Variants in CUL4A observed in about 807,000 individuals in gnomAD.
CUL4A encodes cullin 4A.
Under a neutral mutation model 95.5 loss-of-function variants are expected in CUL4A, and 16 were observed. The observed-to-expected ratio is 0.17, with a 90% CI of 0.11 to 0.25. The LOEUF is 0.25. CUL4A is among the 10% of genes least tolerant of loss of function. CUL4A has a pLI of 1.00. For missense variants in CUL4A, 610 were observed against 937.0 expected (o/e 0.65, Z 4.56); for synonymous variants, 380 against 353.1 (o/e 1.08, Z -0.85).
At chr13:113,226,593 A>G (rs997665770) in intron 3 of CUL4A, among the ~76,000 whole-genome samples, 4 of 152,218 alleles carry the variant, frequency 2.6e-5, no homozygotes, top group Non-Finnish European at 5.9e-5. Context: ...GTCCTAAACT[A>G]CTTTTTGGGC....
rs1401161712 is a variant in CUL4A at position 113,232,230 on chromosome 13, ACCCG to A, written c.513-943_513-940del. On this transcript the variant is annotated intron_variant, in intron 5 of 19. Transcript: ENST00000375440. ...CACCACCATTACTGCTGCCACCACTACCCGCCCACCACCATTACTGCTGCCACCA... is the reference window on the plus strand; with the variant it reads ...CACCACCATTACTGCTGCCACCACTACCCACCACCATTACTGCTGCCACCA... Among the ~76,000 whole-genome samples the A allele has an allele frequency of 3.3e-3, 32 of 9,568 alleles. 9 individuals carry two copies. The highest frequency in any genetic ancestry group is 6.8e-3 in the African/African-American group (30 of 4,440). The allele number at this position is 9,568 out of a possible 152,430, so 6.3% of individuals were successfully genotyped here. A position where few individuals can be genotyped will look rare whatever the true frequency, so the allele number is the denominator to read the frequency against.
chr13:113,225,646 C>T (rs1040083983), intron 3 of CUL4A, among the ~76,000 whole-genome samples: 2 of 152,208 alleles, frequency 1.3e-5, no homozygotes, highest in Non-Finnish European at 1.5e-5. Context: ...AGCAAAGCTC[C>T]GCCTTCGGCT....
At position 113,244,833 on chromosome 13, in the gene CUL4A, CTG is replaced by C. The variant is rs1383406288; in HGVS notation, c.1334-114_1334-113del. On this transcript the variant is annotated intron_variant, in intron 12 of 19. Transcript: ENST00000375440. The stretch of plus-strand genomic sequence containing the variant: ...CCAGCCTGGGCAACAGAGCAAGACT[CTG>C]TCTCAAAAAAAAAAAAAAACACTTT... 4 of 687,312 alleles carry C rather than the reference CTG, an allele frequency of 5.8e-6. No individual in the cohort carries two copies. The African/African-American group carries it at 7.5e-5, about 13-fold the overall frequency. 42.6% of individuals were successfully genotyped at this position (687,312 alleles called of 1,614,324 possible).
In CUL4A at chr13:113,261,849, C is replaced by T. The variant is rs574737735; in HGVS notation, c.2184+1090C>T. On this transcript the variant is annotated intron_variant, in intron 19 of 19. Coordinates refer to ENST00000375440, the MANE Select transcript of CUL4A (RefSeq NM_001008895.4). ...AGGATGGAGTGCAGTGGCACGATCTCGGCTCACTGTAACCTCTGCCTCTCG... is the reference window on the plus strand; with the variant it reads ...AGGATGGAGTGCAGTGGCACGATCTTGGCTCACTGTAACCTCTGCCTCTCG... Among the ~76,000 whole-genome samples, 179 of 152,206 alleles carry T rather than the reference C, an allele frequency of 1.2e-3. 1 individual carries two copies. The highest frequency in any genetic ancestry group is 3.4e-3 in the Middle Eastern group (1 of 294).
Position 113,264,490 on chromosome 13 carries a change from G to C in CUL4A, c.*908G>C, listed in dbSNP as rs1386123898. On this transcript the variant is annotated 3_prime_UTR_variant, in exon 20 of 20. Transcript: ENST00000375440. ...AAAGTTTATGGAGACTTAAAGTCTT[G>C]ATGTTGTGAAGCAGAGGTTATTTTG... The C allele has an allele frequency of 6.6e-6, 1 of 152,306 alleles. No individual in the cohort carries two copies. The highest frequency in any genetic ancestry group is 1.9e-4 in the East Asian group (1 of 5,196). 9.4% of individuals were successfully genotyped at this position (152,306 alleles called of 1,614,324 possible).
At chr13:113,255,537 A>T (rs1177697862) in intron 18 of CUL4A, among the ~76,000 whole-genome samples, 2 of 152,138 alleles carry the variant, frequency 1.3e-5, no homozygotes, top group African/African-American at 4.8e-5. Context: ...TCATTGCCCT[A>T]AAAATTCTCT....
intron 3 of CUL4A, among the ~76,000 whole-genome samples, chr13:113,224,542 G>A (rs557940752): frequency 6.6e-6 from 1 of 152,330 alleles, no homozygotes; most frequent in South Asian, 2.1e-4. Flanking sequence ...GAGTGAGCTG[G>A]GAACCTTGGC....
In CUL4A at chr13:113,264,947, A is replaced by AT. The variant is rs10709502; in HGVS notation, c.*1375dup. The AT allele has an allele frequency of 6.6e-6, 1 of 151,486 alleles. No homozygotes were observed. Among genetic ancestry groups the AT allele is most frequent in the African/African-American group, 2.4e-5 (1 of 41,218 alleles). 9.4% of individuals were successfully genotyped at this position (151,486 alleles called of 1,614,324 possible). Reference sequence around the variant, plus strand: ...TCTAAGAAAGACCAAACAGATTTCTATTTTTTTTTTCTTATAAGTTCGTTG... The same window carrying AT: ...TCTAAGAAAGACCAAACAGATTTCTATTTTTTTTTTTCTTATAAGTTCGTTG... On this transcript the variant is annotated 3_prime_UTR_variant, in exon 20 of 20. Transcript: ENST00000375440.
At chr13:113,239,582 G>A in intron 10 of CUL4A, 31 bp downstream of exon 10, 1 of 1,540,478 alleles carries the variant, frequency 6.5e-7, no homozygotes, top group Non-Finnish European at 8.9e-7. Flanking sequence ...CCGCGGGCGT[G>A]GGCATTCCCT....
chr13:113,256,240 G>A (rs531226078), intron 18 of CUL4A, among the ~76,000 whole-genome samples: 4 of 152,248 alleles, frequency 2.6e-5, no homozygotes. Flanking sequence ...GCTGATCGCA[G>A]TCTTCTCCTG....
At chr13:113,208,676 A>T, upstream of CUL4A, 1 of 1,582,922 alleles carries the variant, frequency 6.3e-7, no homozygotes, top group East Asian at 2.4e-5. Context: ...CTACGCCTCA[A>T]GCGGGCCAGC....
intron 19 of CUL4A, among the ~76,000 whole-genome samples, chr13:113,261,719 C>T (rs968970559): frequency 1.1e-4 from 17 of 152,142 alleles, no homozygotes; most frequent in African/African-American, 1.7e-4. Context: ...CAGACCAGGG[C>T]GCCCACTCTG....
chr13:113,231,906 C>G (rs1447455308), intron 5 of CUL4A, among the ~76,000 whole-genome samples: 1 of 152,096 alleles, frequency 6.6e-6, no homozygotes, highest in African/African-American at 2.4e-5. Context: ...TCCCAGGGCC[C>G]TCTGCACACC....
chr13:113,221,182 G>C (rs2040883923), intron 3 of CUL4A, among the ~76,000 whole-genome samples: 1 of 152,190 alleles, frequency 6.6e-6, no homozygotes, highest in Non-Finnish European at 1.5e-5. Flanking sequence ...CCAGAGACCT[G>C]GTGGCCCTTA....
chr13:113,226,475 T>C (rs1057378846), intron 3 of CUL4A, among the ~76,000 whole-genome samples: 1 of 152,082 alleles, frequency 6.6e-6, no homozygotes, highest in Non-Finnish European at 1.5e-5. Flanking sequence ...ATGTGAAGAG[T>C]GTTTCGTAAA....
Position 113,216,262 on chromosome 13 carries a change from C to T in CUL4A, c.265-2683C>T, listed in dbSNP as rs141636093. On this transcript the variant is annotated intron_variant, in intron 2 of 19. Coordinates refer to ENST00000375440, the MANE Select transcript of CUL4A (RefSeq NM_001008895.4). ...GCCTTCCTTGTTCTGTCTTCCACAT[C>T]TGAGAGCAGGGATTGCCCTTATCCG... is the stretch of plus-strand genomic sequence containing the variant. Among the ~76,000 whole-genome samples the T allele has an allele frequency of 5.6e-3, 852 of 152,340 alleles. 6 individuals carry two copies. Among genetic ancestry groups the T allele is most frequent in the Admixed American group, 0.011 (161 of 15,304 alleles).
At chr13:113,234,741 A>T (rs770231383) in intron 7 of CUL4A, among the ~76,000 whole-genome samples, 1 of 152,018 alleles carries the variant, frequency 6.6e-6, no homozygotes, top group African/African-American at 2.4e-5. Context: ...CCTCCTACCA[A>T]GTGAGGCTCA....
intron 10 of CUL4A, 101 bp from the exon 11 acceptor site, chr13:113,242,867 G>A: frequency 1.1e-6 from 1 of 870,120 alleles, no homozygotes; most frequent in Non-Finnish European, 1.7e-6. Context: ...TTACTACTAA[G>A]AGTAATTTAT....
chr13:113,263,785 A>G lies in CUL4A; in HGVS notation c.*203A>G, dbSNP rs1167937490. Reference sequence around the variant, plus strand: ...TCTTTTTCCCTCCAGTTTTTCCTCTAGTTCTTTTAGGCATTTAAATTGTTT... The same window carrying G: ...TCTTTTTCCCTCCAGTTTTTCCTCTGGTTCTTTTAGGCATTTAAATTGTTT... On this transcript the variant is annotated 3_prime_UTR_variant, in exon 20 of 20. Transcript: ENST00000375440. The G allele has an allele frequency of 9.9e-6, 4 of 403,666 alleles. No individual in the cohort carries two copies. Among genetic ancestry groups the G allele is most frequent in the Non-Finnish European group, 1.7e-5 (4 of 228,616 alleles). The allele number at this position is 403,666 out of a possible 1,614,324, so 25.0% of individuals were successfully genotyped here.
Sources: gnomAD v4.1 joint callset for allele counts (sites outside exome capture counted in the v4.1 genomes callset) on GRCh38, gnomAD v4.1.1 for gene constraint, MANE v1.5 for transcripts, NCBI Gene and HGNC (gene_info 2026-07-23, HGNC 2026-07-21) for gene names.